The following CTXND1 variants were observed in gnomAD, a reference collection of about 807,000 sequenced individuals.
The protein encoded by CTXND1 is cortexin domain-containing 1 protein.
In CTXND1 at chr15:80,199,189, C is replaced by G. The variant is rs1382058503; in HGVS notation, c.*2581G>C. On this transcript the variant is annotated 3_prime_UTR_variant, in exon 3 of 3. Transcript: ENST00000560778. ...AGTGTGGAAAAGAATTAATTAGGAC[C>G]AAGGGATTCTCAGGCAGTGCTTCTT... 2.0e-5 allele frequency: 3 copies of G among 152,168 alleles called. No individual in the cohort carries two copies. Among genetic ancestry groups the G allele is most frequent in the African/African-American group, 7.2e-5 (3 of 41,428 alleles). 9.4% of individuals were successfully genotyped at this position (152,168 alleles called of 1,614,324 possible).
Position 80,208,819 on chromosome 15 carries a change from G to A in CTXND1, c.-217-5079C>T, listed in dbSNP as rs878931250. 2.6e-5 allele frequency among the ~76,000 whole-genome samples: 4 copies of A among 152,158 alleles called. 1 individual carries two copies. Among genetic ancestry groups the A allele is most frequent in the Admixed American group, 2.6e-4 (4 of 15,284 alleles). On this transcript the variant is annotated intron_variant, in intron 1 of 2. Transcript: ENST00000560778. ...AGGAGGACTTTTGCTCAGAGTCTCAGAGCAATAACACAGCAGAATTTGGAG... is the reference window on the plus strand; with the variant it reads ...AGGAGGACTTTTGCTCAGAGTCTCAAAGCAATAACACAGCAGAATTTGGAG...
intron 1 of CTXND1, among the ~76,000 whole-genome samples, chr15:80,245,155 T>A (rs980744037): frequency 1.3e-5 from 2 of 152,130 alleles, no homozygotes; most frequent in East Asian, 1.9e-4. Flanking sequence ...CCAGCGGCTA[T>A]CGTGATCATG....
chr15:80,249,379 T>C (rs772332640), intron 1 of CTXND1, among the ~76,000 whole-genome samples: 1 of 152,198 alleles, frequency 6.6e-6, no homozygotes, highest in Non-Finnish European at 1.5e-5. Context: ...GAGTCAGATC[T>C]TTTAGAGGAA....
At chr15:80,239,492 A>G (rs939227083) in intron 1 of CTXND1, among the ~76,000 whole-genome samples, 77 of 152,318 alleles carry the variant, frequency 5.1e-4, no homozygotes, top group African/African-American at 1.8e-3. Context: ...AAAATGTGAA[A>G]AGGAGAGACA....
At chr15:80,205,231 G>C (rs1893136175) in intron 1 of CTXND1, among the ~76,000 whole-genome samples, 3 of 152,098 alleles carry the variant, frequency 2.0e-5, no homozygotes, top group Admixed American at 2.0e-4. Flanking sequence ...ATATCCCATA[G>C]TAAATTCAAC....
chr15:80,216,211 G>A (rs149718382), intron 1 of CTXND1, among the ~76,000 whole-genome samples: 77 of 152,268 alleles, frequency 5.1e-4, no homozygotes, highest in African/African-American at 1.6e-3. Context: ...TCAACCATAT[G>A]TTTTCTGGCT....
chr15:80,241,293 T>G (rs754274869), intron 1 of CTXND1, among the ~76,000 whole-genome samples: 6 of 152,166 alleles, frequency 3.9e-5, no homozygotes, highest in Non-Finnish European at 7.4e-5. Context: ...TGAGAAGGAT[T>G]CTCTTCCTTT....
intron 1 of CTXND1, among the ~76,000 whole-genome samples, chr15:80,204,844 T>C (rs1893132290): frequency 6.6e-6 from 1 of 152,066 alleles, no homozygotes; most frequent in South Asian, 2.1e-4. Flanking sequence ...CATATGGTAA[T>C]CATGTTTTTA....
chr15:80,203,239 G>A (rs1278974105), intron 2 of CTXND1, among the ~76,000 whole-genome samples: 1 of 152,156 alleles, frequency 6.6e-6, no homozygotes, highest in Non-Finnish European at 1.5e-5. Context: ...CTTGTGGAGT[G>A]CTTGAACTGT....
intron 1 of CTXND1, among the ~76,000 whole-genome samples, chr15:80,204,294 C>T (rs1427858624): frequency 6.7e-6 from 1 of 148,962 alleles, no homozygotes; most frequent in African/African-American, 2.5e-5. Flanking sequence ...ACCATCTTGA[C>T]CATTTTAAAG....
At chr15:80,234,047 A>G (rs547574999) in intron 1 of CTXND1, among the ~76,000 whole-genome samples, 7 of 152,338 alleles carry the variant, frequency 4.6e-5, no homozygotes, top group African/African-American at 1.7e-4. Flanking sequence ...GGAGAAGCTA[A>G]GTGACCTTGA....
At chr15:80,248,291 A>G (rs1326624347) in intron 1 of CTXND1, among the ~76,000 whole-genome samples, 2 of 152,246 alleles carry the variant, frequency 1.3e-5, no homozygotes, top group Non-Finnish European at 2.9e-5. Flanking sequence ...CAATGCATCA[A>G]GATAGCCTGC....
At chr15:80,234,257 T>A (rs1406300208) in intron 1 of CTXND1, among the ~76,000 whole-genome samples, 1 of 152,170 alleles carries the variant, frequency 6.6e-6, no homozygotes, top group Non-Finnish European at 1.5e-5. Context: ...TTAGAGGCTG[T>A]TCGTCTGAGA....
chr15:80,202,548 C>T (rs2142120815), intron 2 of CTXND1, among the ~76,000 whole-genome samples: 1 of 152,334 alleles, frequency 6.6e-6, no homozygotes, highest in East Asian at 1.9e-4. Context: ...ACTCCTGGCT[C>T]AAGCAATCCT....
intron 1 of CTXND1, among the ~76,000 whole-genome samples, chr15:80,208,276 T>C (rs1893171213): frequency 6.6e-6 from 1 of 152,242 alleles, no homozygotes; most frequent in South Asian, 2.1e-4. Flanking sequence ...CATATGCACA[T>C]ACACACAATA....
At chr15:80,246,424 T>G (rs1003552151) in intron 1 of CTXND1, among the ~76,000 whole-genome samples, 8 of 152,230 alleles carry the variant, frequency 5.3e-5, no homozygotes, top group Non-Finnish European at 7.3e-5. Flanking sequence ...TTTCCTGGGT[T>G]GGTACGATGA....
intron 1 of CTXND1, among the ~76,000 whole-genome samples, chr15:80,247,613 G>T (rs1385341879): frequency 6.6e-6 from 1 of 152,046 alleles, no homozygotes; most frequent in East Asian, 1.9e-4. Flanking sequence ...ATCTTGCTGA[G>T]GAGTATCCTC....
rs1438035514 is a variant in CTXND1 at position 80,195,611 on chromosome 15, A to T, written c.*6159T>A. The T allele has an allele frequency of 2.6e-5, 4 of 152,252 alleles. No homozygotes were observed. The highest frequency in any genetic ancestry group is 9.7e-5 in the African/African-American group (4 of 41,450). The allele number at this position is 152,252 out of a possible 1,614,324, so 9.4% of individuals were successfully genotyped here. A position where few individuals can be genotyped will look rare whatever the true frequency, so the allele number is the denominator to read the frequency against. On this transcript the variant is annotated 3_prime_UTR_variant, in exon 3 of 3. Transcript: ENST00000560778. Reference sequence around the variant, plus strand: ...CATGGTGGAAGGAATCACATGGGCAAGAGAGAAAAGAGGACCAAACACCCC... The same window carrying T: ...CATGGTGGAAGGAATCACATGGGCATGAGAGAAAAGAGGACCAAACACCCC...
chr15:80,229,438 G>C (rs1265141579), intron 1 of CTXND1, among the ~76,000 whole-genome samples: 1 of 152,200 alleles, frequency 6.6e-6, no homozygotes, highest in Non-Finnish European at 1.5e-5. Context: ...AGTTATGTGT[G>C]AGTCATACGT....
Sources: allele counts gnomAD v4.1 joint callset (sites outside exome capture counted in the v4.1 genomes callset), GRCh38; gene constraint gnomAD v4.1.1; transcripts MANE v1.5; gene names NCBI Gene and HGNC (gene_info 2026-07-23, HGNC 2026-07-21).